LOXL2: variants seen among roughly 807,000 people sequenced by gnomAD.
LOXL2 encodes the protein lysyl oxidase like 2.
Under a neutral mutation model 93.0 loss-of-function variants are expected in LOXL2, and 70 were observed. The ratio of observed to expected loss-of-function variants is 0.75; its 90% confidence interval spans 0.62 to 0.92. The LOEUF (loss-of-function observed/expected upper bound fraction) is 0.92, where lower values mean the gene tolerates loss of function less well. Among genes scored for constraint, LOXL2 ranks in the 40% least tolerant of loss-of-function variants. The probability of loss-of-function intolerance (pLI) is 0.00; values close to 1 mark genes in which losing one functional copy is unlikely to be tolerated. For synonymous variants in LOXL2, 438 were observed against 413.2 expected (o/e 1.06, Z -0.73); for missense variants, 973 against 1,054.9 (o/e 0.92, Z 1.08).
intron 2 of LOXL2, among the ~76,000 whole-genome samples, chr8:23,361,514 A>C (rs1804289965): frequency 6.6e-6 from 1 of 151,988 alleles, no homozygotes; most frequent in South Asian, 2.1e-4. Flanking sequence ...CCACAGTGAA[A>C]CACCACCTCA....
intron 1 of LOXL2, chr8:23,371,197 C>A (rs1418489365): frequency 6.6e-6 from 1 of 152,040 alleles, no homozygotes; most frequent in East Asian, 1.9e-4. Context: ...GAATCTGTGC[C>A]CAGTGAAGAG....
intron 1 of LOXL2, among the ~76,000 whole-genome samples, chr8:23,383,665 T>TTTG (rs555831871): frequency 5.4e-5 from 6 of 111,070 alleles, no homozygotes; most frequent in East Asian, 2.4e-4. Context: ...TTGTTTTTTT[T>TTTG]TTTTTTTTTT....
rs184977666 is a variant in LOXL2 at position 23,298,168 on chromosome 8, C to T, written c.2246-46G>A. 1.4e-4 allele frequency: 213 copies of T among 1,469,320 alleles called. 1 individual carries two copies. The African/African-American group carries it at 2.3e-3, about 16-fold the overall frequency. 91.0% of individuals were successfully genotyped at this position (1,469,320 alleles called of 1,614,324 possible). The stretch of plus-strand genomic sequence containing the variant: ...AGAGAGAGTGGACAAATGAGATGCT[C>T]GGGCCTTGCCTGACCCTGAGCCAGG... On this transcript the variant is annotated intron_variant, in intron 13 of 13. Transcript: ENST00000389131.
chr8:23,400,051 A>G (rs1458734401), intron 1 of LOXL2, among the ~76,000 whole-genome samples: 1 of 152,220 alleles, frequency 6.6e-6, no homozygotes, highest in Non-Finnish European at 1.5e-5. Flanking sequence ...CTGTGCCAAG[A>G]GATTCCTTTT....
intron 8 of LOXL2, 92 bp from the exon 9 acceptor site, chr8:23,317,206 A>G (rs755567371): frequency 2.9e-5 from 39 of 1,353,246 alleles, no homozygotes; most frequent in African/African-American, 1.2e-4. Flanking sequence ...AAAAATCCCA[A>G]TGTTTCATGA....
chr8:23,378,515 GATA>G (rs1368536543), intron 1 of LOXL2, among the ~76,000 whole-genome samples: 77 of 152,264 alleles, frequency 5.1e-4, no homozygotes, highest in African/African-American at 1.8e-3. Context: ...AGTTCTCCTG[GATA>G]ATATCCTGCA....
At chr8:23,314,862 G>A (rs7813552) in intron 9 of LOXL2, among the ~76,000 whole-genome samples, 119,626 of 151,638 alleles carry the variant, frequency 0.79, 47,274 homozygotes, top group South Asian at 0.87. Flanking sequence ...TAAAAAAGGA[G>A]AAAAACAACA....
At chr8:23,303,732 T>C (rs1202554894) in intron 10 of LOXL2, among the ~76,000 whole-genome samples, 1 of 152,210 alleles carries the variant, frequency 6.6e-6, no homozygotes, top group Non-Finnish European at 1.5e-5. Flanking sequence ...ACTCCAGCTA[T>C]TGTTTTTAAT....
rs574371401 is a variant in LOXL2 at position 23,341,053 on chromosome 8, G to A, written c.682C>T (p.Arg228Cys). Residue 228 changes from arginine (R) to cysteine (C), a missense_variant, in exon 4 of 14, where the codon CGC (arginine) becomes TGC (cysteine). By Grantham distance (180) the Arg-to-Cys change is radical. Coordinates refer to ENST00000389131, the MANE Select transcript of LOXL2 (RefSeq NM_002318.3). Reference sequence around the variant, plus strand: ...AAGCCAAACATGCCGCAGACCACGCGGGAATTCTTGGCCGTCCAGTGCTTG... The same window carrying A: ...AAGCCAAACATGCCGCAGACCACGCAGGAATTCTTGGCCGTCCAGTGCTTG... ...CDKHWTAKNS[R>C]VVCGMFGFPG... 1.3e-5 allele frequency: 21 copies of A among 1,614,108 alleles called. No homozygotes were observed. The African/African-American group carries it at 1.6e-4, about 12-fold the overall frequency.
At chr8:23,397,141 C>T (rs745768249) in intron 1 of LOXL2, among the ~76,000 whole-genome samples, 1 of 152,122 alleles carries the variant, frequency 6.6e-6, no homozygotes, top group South Asian at 2.1e-4. Flanking sequence ...ATATGAAGTA[C>T]CTAGTTCAGT....
Position 23,391,607 on chromosome 8 carries a change from C to T in LOXL2, c.-84+12347G>A, listed in dbSNP as rs115283130. Among the ~76,000 whole-genome samples, 1,358 of 152,282 alleles carry T rather than the reference C, an allele frequency of 8.9e-3. 12 individuals are homozygous for T. Among genetic ancestry groups the T allele is most frequent in the African/African-American group, 0.031 (1,285 of 41,546 alleles). On this transcript the variant is annotated intron_variant, in intron 1 of 13. Transcript: ENST00000389131. ...CAAATCGGTCTGAGTTTCTGTGCCA[C>T]TTTCAAGGCGATATTGAAGTCCACA...
chr8:23,305,414 G>A (rs1037001231), intron 10 of LOXL2, among the ~76,000 whole-genome samples: 2 of 152,154 alleles, frequency 1.3e-5, no homozygotes, highest in African/African-American at 2.4e-5. Context: ...TCTGTCCTGG[G>A]CATCTCGCTT....
At chr8:23,367,796 C>A (rs1035037354) in intron 2 of LOXL2, among the ~76,000 whole-genome samples, 4 of 151,848 alleles carry the variant, frequency 2.6e-5, no homozygotes, top group African/African-American at 9.7e-5. Context: ...ACTTACTGTG[C>A]CCCTCCTCAA....
intron 5 of LOXL2, among the ~76,000 whole-genome samples, chr8:23,329,653 CCA>C (rs760490578): frequency 6.6e-6 from 1 of 152,200 alleles, no homozygotes; most frequent in Non-Finnish European, 1.5e-5. Context: ...TCATTCAACT[CCA>C]CAGAGGGAGT....
chr8:23,316,905 G>A (rs1400928134), intron 9 of LOXL2, 44 bp downstream of exon 9: 1 of 1,504,136 alleles, frequency 6.6e-7, no homozygotes, highest in East Asian at 2.3e-5. Flanking sequence ...TGGGACTCTG[G>A]TCCCCTTGGG....
At chr8:23,319,788 G>C in intron 8 of LOXL2, 97 bp downstream of exon 8, 1 of 1,355,034 alleles carries the variant, frequency 7.4e-7, no homozygotes, top group East Asian at 2.3e-5. Context: ...CTGCCTGCAC[G>C]GCTAGGGAGG....
rs540494068 is a variant in LOXL2 at position 23,396,962 on chromosome 8, C to T, written c.-84+6992G>A. ...CAAAAGGTGGAAACAACTCACATGT[C>T]CACCAGTGGAGGAGGAGATAAACAA... On this transcript the variant is annotated intron_variant, in intron 1 of 13. Transcript: ENST00000389131. Among the ~76,000 whole-genome samples, 10 of 152,324 alleles carry T rather than the reference C, an allele frequency of 6.6e-5. No individual in the cohort carries two copies. In the South Asian group the frequency reaches 2.1e-3, roughly 32 times the overall value.
intron 1 of LOXL2, among the ~76,000 whole-genome samples, chr8:23,390,496 C>A (rs1025612678): frequency 3.3e-5 from 5 of 152,070 alleles, no homozygotes; most frequent in African/African-American, 1.2e-4. Flanking sequence ...TACAAAACTG[C>A]ATTTTTTCCC....
At chr8:23,340,731 A>G (rs1803868583) in intron 4 of LOXL2, among the ~76,000 whole-genome samples, 1 of 152,172 alleles carries the variant, frequency 6.6e-6, no homozygotes, top group Non-Finnish European at 1.5e-5. Context: ...CACTTCTGCA[A>G]TACGCCTTCC....
Sources: gnomAD v4.1 joint callset for allele counts (sites outside exome capture counted in the v4.1 genomes callset) on GRCh38, gnomAD v4.1.1 for gene constraint, MANE v1.5 for transcripts, NCBI Gene and HGNC (gene_info 2026-07-23, HGNC 2026-07-21) for gene names.